Variants in ARHGAP8 observed in about 807,000 individuals in gnomAD.
ARHGAP8 encodes the protein Rho GTPase activating protein 8.
In ARHGAP8, 62 loss-of-function variants were observed where a neutral mutation model predicts 46.1. The ratio of observed to expected loss-of-function variants is 1.34; its 90% confidence interval spans 1.10 to 1.66. ARHGAP8 has a LOEUF of 1.66. Ranked by LOEUF, ARHGAP8 falls within the 40% of genes most tolerant of loss-of-function variation. The pLI, the probability that ARHGAP8 is intolerant of heterozygous loss-of-function variation, is 0.00. For synonymous variants in ARHGAP8, 375 were observed against 243.1 expected (o/e 1.54, Z -5.05); for missense variants, 923 against 568.4 (o/e 1.62, Z -6.34).
intron 5 of ARHGAP8, among the ~76,000 whole-genome samples, chr22:44,815,854 G>A (rs1269602605): frequency 6.6e-6 from 1 of 151,022 alleles, no homozygotes; most frequent in Non-Finnish European, 1.5e-5. Context: ...CATGACGGGG[G>A]TGGGGTGGGG....
At chr22:44,755,941 A>AT (rs773094893) in intron 1 of ARHGAP8, among the ~76,000 whole-genome samples, 3 of 152,164 alleles carry the variant, frequency 2.0e-5, no homozygotes, top group Non-Finnish European at 2.9e-5. Flanking sequence ...TTACCGACTC[A>AT]TAGGACCATT....
chr22:44,795,913 C>T (rs891078556), intron 2 of ARHGAP8, among the ~76,000 whole-genome samples: 3 of 152,196 alleles, frequency 2.0e-5, no homozygotes, highest in Non-Finnish European at 4.4e-5. Context: ...GCAGCTCCTC[C>T]TCCTGTGTCC....
chr22:44,835,864 CT>C (rs1350774045), intron 7 of ARHGAP8, among the ~76,000 whole-genome samples: 1 of 152,170 alleles, frequency 6.6e-6, no homozygotes, highest in African/African-American at 2.4e-5. Context: ...TTTCTAGTCT[CT>C]TTTTTCCTGT....
intron 2 of ARHGAP8, among the ~76,000 whole-genome samples, chr22:44,791,328 T>C (rs1043151253): frequency 1.3e-5 from 2 of 152,184 alleles, no homozygotes; most frequent in African/African-American, 4.8e-5. Flanking sequence ...TGCTGCAGAC[T>C]TCCTTGGGAG....
chr22:44,830,212 CG>C (rs1305206120), intron 7 of ARHGAP8, among the ~76,000 whole-genome samples: 2 of 151,766 alleles, frequency 1.3e-5, no homozygotes, highest in African/African-American at 4.8e-5. Flanking sequence ...TTAGTAGAGA[CG>C]GGGTTTTGCC....
intron 7 of ARHGAP8, among the ~76,000 whole-genome samples, chr22:44,834,875 A>C (rs1283946054): frequency 6.6e-6 from 1 of 152,148 alleles, no homozygotes; most frequent in Non-Finnish European, 1.5e-5. Flanking sequence ...CACTAGTAAC[A>C]ATTTTTGTGT....
chr22:44,838,610 G>A (rs1321045760), intron 7 of ARHGAP8, among the ~76,000 whole-genome samples: 1 of 152,144 alleles, frequency 6.6e-6, no homozygotes, highest in Non-Finnish European at 1.5e-5. Flanking sequence ...CAGAGACAAA[G>A]CAGTAGGCAA....
chr22:44,778,243 ATAGCT>A (rs1926568902), intron 1 of ARHGAP8, among the ~76,000 whole-genome samples: 7 of 151,934 alleles, frequency 4.6e-5, no homozygotes, highest in African/African-American at 1.5e-4. Flanking sequence ...TTGCATCCTC[ATAGCT>A]TAGCTCCCAC....
intron 4 of ARHGAP8, chr22:44,809,357 G>A (rs1210862014): frequency 2.7e-6 from 1 of 370,442 alleles, no homozygotes; most frequent in East Asian, 7.4e-5. Flanking sequence ...AGCAGGCTAG[G>A]TTCATCCTGC....
intron 1 of ARHGAP8, among the ~76,000 whole-genome samples, chr22:44,764,328 T>G (rs746744516): frequency 7.2e-5 from 11 of 152,094 alleles, no homozygotes; most frequent in Non-Finnish European, 1.6e-4. Flanking sequence ...ATCTAAATAA[T>G]AGTTCAAGAC....
chr22:44,799,284 G>C (rs973979544), intron 2 of ARHGAP8, among the ~76,000 whole-genome samples: 11 of 152,228 alleles, frequency 7.2e-5, no homozygotes, highest in African/African-American at 2.4e-4. Context: ...TACCCCTCCT[G>C]GGCCTGTACC....
At chr22:44,803,206 G>A (rs982170366) in intron 3 of ARHGAP8, among the ~76,000 whole-genome samples, 10 of 152,136 alleles carry the variant, frequency 6.6e-5, no homozygotes, top group Non-Finnish European at 1.2e-4. Flanking sequence ...GGGGGTGCCT[G>A]GGCCCCATGT....
chr22:44,779,500 C>T (rs980008651), intron 1 of ARHGAP8, among the ~76,000 whole-genome samples: 4 of 152,050 alleles, frequency 2.6e-5, no homozygotes, highest in African/African-American at 9.6e-5. Flanking sequence ...CGCTGTAGGA[C>T]ATCTGCCATT....
At chr22:44,763,435 T>G (rs1232464746) in intron 1 of ARHGAP8, among the ~76,000 whole-genome samples, 2 of 142,188 alleles carry the variant, frequency 1.4e-5, no homozygotes, top group East Asian at 4.1e-4. Context: ...AGGCAGAGGT[T>G]GCACCGAGAT....
At chr22:44,765,221 C>A (rs1018985227) in intron 1 of ARHGAP8, 3 of 152,390 alleles carry the variant, frequency 2.0e-5, no homozygotes, top group African/African-American at 7.2e-5. Context: ...GCTGTTCCGT[C>A]TCGTGTCACT....
At chr22:44,775,437 G>A (rs1316978936) in intron 1 of ARHGAP8, among the ~76,000 whole-genome samples, 1 of 132,038 alleles carries the variant, frequency 7.6e-6, no homozygotes, top group Non-Finnish European at 1.6e-5. Context: ...AACCCTGAGG[G>A]GACATAATTC....
At position 44,794,581 on chromosome 22, in the gene ARHGAP8, G is replaced by A. The variant is rs985320936; in HGVS notation, c.80-7496G>A. 7.9e-5 allele frequency among the ~76,000 whole-genome samples: 12 copies of A among 152,150 alleles called. No individual in the cohort carries two copies. In the South Asian group the frequency reaches 8.3e-4, roughly 11 times the overall value. ...AAAAATTAGCCAGGCATGGTGGTGC[G>A]CACCTGTAGTCCCAGCTACCGTGGA... On this transcript the variant is annotated intron_variant, in intron 2 of 11. Coordinates refer to ENST00000356099, the MANE Select transcript of ARHGAP8 (RefSeq NM_181335.3).
chr22:44,860,786 G>A lies in ARHGAP8; in HGVS notation c.981+952G>A, dbSNP rs564458060. ...GGGAAGGTTCAACACATCCACGTGG[G>A]TCCACCCCCAACCCCCAGACCCACG... On this transcript the variant is annotated intron_variant, in intron 11 of 11. Coordinates refer to ENST00000356099, the MANE Select transcript of ARHGAP8 (RefSeq NM_181335.3). Among the ~76,000 whole-genome samples the A allele has an allele frequency of 1.4e-4, 22 of 152,160 alleles. No individual in the cohort carries two copies. The South Asian group carries it at 4.4e-3, about 30-fold the overall frequency.
intron 1 of ARHGAP8, among the ~76,000 whole-genome samples, chr22:44,754,409 G>C (rs1924506051): frequency 1.3e-5 from 2 of 151,622 alleles, no homozygotes; most frequent in South Asian, 4.2e-4. Context: ...AGGCTGGAGT[G>C]CAATGGCACG....
Sources: allele counts gnomAD v4.1 joint callset (sites outside exome capture counted in the v4.1 genomes callset), GRCh38; gene constraint gnomAD v4.1.1; transcripts MANE v1.5; gene names NCBI Gene and HGNC (gene_info 2026-07-23, HGNC 2026-07-21).